The following CADM1 variants were observed in gnomAD, a reference collection of about 807,000 sequenced individuals.
The protein encoded by CADM1 is cell adhesion molecule 1.
Under a neutral mutation model 53.1 loss-of-function variants are expected in CADM1, and 15 were observed. The observed-to-expected ratio is 0.28, with a 90% CI of 0.19 to 0.44. CADM1 has a LOEUF of 0.44. Among genes scored for constraint, CADM1 ranks in the 20% least tolerant of loss-of-function variants. CADM1 has a pLI of 1.00. For synonymous variants in CADM1, 281 were observed against 243.0 expected (o/e 1.16, Z -1.45); for missense variants, 434 against 611.3 (o/e 0.71, Z 3.06).
At chr11:115,206,758 C>CTTTTTT (rs56270694) in intron 8 of CADM1, among the ~76,000 whole-genome samples, 7,556 of 38,120 alleles carry the variant, frequency 0.2, 3,352 homozygotes, top group Non-Finnish European at 0.25. Flanking sequence ...CTGTGGACTT[C>CTTTTTT]TTTTTTTTTT....
chr11:115,494,437 T>C (rs968055180), intron 1 of CADM1, among the ~76,000 whole-genome samples: 3 of 152,144 alleles, frequency 2.0e-5, no homozygotes, highest in Non-Finnish European at 4.4e-5. Flanking sequence ...ATATAAAATA[T>C]AAAAAACTGC....
intron 1 of CADM1, among the ~76,000 whole-genome samples, chr11:115,253,922 T>G (rs1308918166): frequency 6.6e-6 from 1 of 152,232 alleles, no homozygotes; most frequent in Non-Finnish European, 1.5e-5. Context: ...GGTTCAATCC[T>G]AGCTCTGCCA....
intron 1 of CADM1, among the ~76,000 whole-genome samples, chr11:115,273,949 T>C (rs912285268): frequency 1.1e-4 from 16 of 152,214 alleles, no homozygotes; most frequent in African/African-American, 3.6e-4. Context: ...ACCCATTAAA[T>C]AGAAGTTGTG....
intron 1 of CADM1, among the ~76,000 whole-genome samples, chr11:115,383,650 A>C (rs1272081250): frequency 6.6e-6 from 1 of 152,210 alleles, no homozygotes; most frequent in Non-Finnish European, 1.5e-5. Flanking sequence ...AGACTTTAAA[A>C]ATTATCTTTT....
chr11:115,416,609 G>T (rs900575635), intron 1 of CADM1, among the ~76,000 whole-genome samples: 12 of 151,760 alleles, frequency 7.9e-5, no homozygotes, highest in African/African-American at 2.9e-4. Context: ...TTCAGACTCA[G>T]CATACAGTCA....
intron 1 of CADM1, among the ~76,000 whole-genome samples, chr11:115,445,083 G>A (rs1341214111): frequency 6.6e-6 from 1 of 152,088 alleles, no homozygotes; most frequent in Non-Finnish European, 1.5e-5. Context: ...TATTTGGAAG[G>A]GGGAAAGCAA....
At position 115,239,843 on chromosome 11, in the gene CADM1, A is replaced by T. The variant is rs550237272; in HGVS notation, c.271+431T>A. 2.6e-5 allele frequency among the ~76,000 whole-genome samples: 4 copies of T among 152,226 alleles called. No homozygotes were observed. The East Asian group carries it at 7.7e-4, about 29-fold the overall frequency. Reference sequence around the variant, plus strand: ...ATATTACATTTGGAAAGATTTCAGCATGTGGACACTTCTATATGCCAAAGG... The same window carrying T: ...ATATTACATTTGGAAAGATTTCAGCTTGTGGACACTTCTATATGCCAAAGG... On this transcript the variant is annotated intron_variant, in intron 2 of 11. Coordinates refer to ENST00000331581, the MANE Select transcript of CADM1 (RefSeq NM_001301043.2).
chr11:115,503,669 A>G (rs1275330474), intron 1 of CADM1, among the ~76,000 whole-genome samples: 1 of 152,012 alleles, frequency 6.6e-6, no homozygotes, highest in African/African-American at 2.4e-5. Flanking sequence ...GGAGGGAAAC[A>G]CGAGAGGCGT....
intron 1 of CADM1, among the ~76,000 whole-genome samples, chr11:115,500,435 C>T (rs1399497348): frequency 6.6e-6 from 1 of 152,014 alleles, no homozygotes; most frequent in African/African-American, 2.4e-5. Flanking sequence ...ATTTTTAAAG[C>T]CTAAAAATCA....
At chr11:115,197,630 C>T (rs1290672042) in intron 9 of CADM1, among the ~76,000 whole-genome samples, 1 of 152,170 alleles carries the variant, frequency 6.6e-6, no homozygotes, top group Non-Finnish European at 1.5e-5. Flanking sequence ...GATGCCCCTC[C>T]TGAGCTTTGA....
At chr11:115,243,065 TTTTG>T (rs944687750) in intron 1 of CADM1, among the ~76,000 whole-genome samples, 20 of 151,466 alleles carry the variant, frequency 1.3e-4, no homozygotes, top group African/African-American at 3.2e-4. Flanking sequence ...CAGAGTGAGG[TTTTG>T]TTTGTTTTCT....
At chr11:115,311,635 G>C (rs1020270590) in intron 1 of CADM1, among the ~76,000 whole-genome samples, 42 of 152,092 alleles carry the variant, frequency 2.8e-4, no homozygotes, top group African/African-American at 1.0e-3. Context: ...CCTCCCAACA[G>C]TCCCAAAAAG....
chr11:115,176,449 A>G lies in CADM1; in HGVS notation c.*25T>C. On this transcript the variant is annotated 3_prime_UTR_variant, in exon 12 of 12. Transcript: ENST00000331581. Reference sequence around the variant, plus strand: ...ATCATCTAAATAGGGCCAGTTGGACACCTCATTGAAACAAAAAGGCTGATC... The same window carrying G: ...ATCATCTAAATAGGGCCAGTTGGACGCCTCATTGAAACAAAAAGGCTGATC... 1.2e-6 allele frequency: 2 copies of G among 1,613,126 alleles called. No homozygotes were observed. Among genetic ancestry groups the G allele is most frequent in the South Asian group, 1.1e-5 (1 of 91,022 alleles).
chr11:115,436,845 T>C (rs1332854156), intron 1 of CADM1, among the ~76,000 whole-genome samples: 1 of 152,126 alleles, frequency 6.6e-6, no homozygotes, highest in African/African-American at 2.4e-5. Flanking sequence ...TAATTTTTGT[T>C]GAAAAAAGGC....
Position 115,295,079 on chromosome 11 carries a change from A to G in CADM1, c.125-54659T>C, listed in dbSNP as rs911794853. ...CAAAAAGAATTATATCAGCTCAATG[A>G]CACAGCAATGCTTATTAGTTAATCT... is the stretch of plus-strand genomic sequence containing the variant. On this transcript the variant is annotated intron_variant, in intron 1 of 11. Transcript: ENST00000331581. Among the ~76,000 whole-genome samples, 4 of 152,198 alleles carry G rather than the reference A, an allele frequency of 2.6e-5. No individual in the cohort carries two copies. The East Asian group carries it at 7.7e-4, about 29-fold the overall frequency.
chr11:115,408,981 T>G (rs1393444279), intron 1 of CADM1, among the ~76,000 whole-genome samples: 1 of 152,184 alleles, frequency 6.6e-6, no homozygotes, highest in Admixed American at 6.5e-5. Flanking sequence ...ATACCAACTC[T>G]AGTTGCACAG....
intron 1 of CADM1, among the ~76,000 whole-genome samples, chr11:115,295,503 A>ATTTT (rs1186055883): frequency 8.5e-5 from 3 of 35,386 alleles, no homozygotes; most frequent in Non-Finnish European, 1.3e-4. Context: ...TGATCAAGAT[A>ATTTT]TTTTATATAT....
chr11:115,467,985 G>A (rs1948931135), intron 1 of CADM1, among the ~76,000 whole-genome samples: 1 of 152,142 alleles, frequency 6.6e-6, no homozygotes, highest in South Asian at 2.1e-4. Flanking sequence ...ACCAATAAAA[G>A]TGAATATATT....
rs1427094747 is a variant in CADM1 at position 115,169,701 on chromosome 11, G to A, written c.*6773C>T. ...GTCACTAGCTAACAGAGACTGATTA[G>A]TGCAGAAGATTCCCTTCCATAGCAA... On this transcript the variant is annotated 3_prime_UTR_variant, in exon 12 of 12. Transcript: ENST00000331581. 1 of 449,700 alleles carries A rather than the reference G, an allele frequency of 2.2e-6. No individual in the cohort carries two copies. Among genetic ancestry groups the A allele is most frequent in the African/African-American group, 2.0e-5 (1 of 49,946 alleles). The allele number at this position is 449,700 out of a possible 1,614,324, so 27.9% of individuals were successfully genotyped here. A position where few individuals can be genotyped will look rare whatever the true frequency, so the allele number is the denominator to read the frequency against.
Sources: allele counts gnomAD v4.1 joint callset (sites outside exome capture counted in the v4.1 genomes callset), GRCh38; gene constraint gnomAD v4.1.1; transcripts MANE v1.5; gene names NCBI Gene and HGNC (gene_info 2026-07-23, HGNC 2026-07-21).